Variants in EAF2 observed in about 807,000 individuals in gnomAD.
EAF2 encodes the protein ELL-associated factor 2.
EAF2 carries 29 observed loss-of-function variants against 29.4 expected under a neutral mutation model. The ratio of observed to expected loss-of-function variants is 0.99; its 90% confidence interval spans 0.73 to 1.35. The LOEUF is 1.35. Among genes scored for constraint, EAF2 ranks in the 40% most tolerant of loss-of-function variants. The probability of loss-of-function intolerance (pLI) is 0.00; values close to 1 mark genes in which losing one functional copy is unlikely to be tolerated. For missense variants in EAF2, 292 were observed against 312.0 expected, an observed-to-expected ratio of 0.94 and a Z score of 0.48; for synonymous variants, 103 against 102.5, an observed-to-expected ratio of 1.00 and a Z score of -0.03.
chr3:121,836,165 T>G (rs952757383), intron 1 of EAF2: 1 of 152,196 alleles, frequency 6.6e-6, no homozygotes, highest in African/African-American at 2.4e-5. Context: ...AAGACATTCG[T>G]TTTTTGCATA....
chr3:121,874,765 A>T (rs1422446420), intron 5 of EAF2, among the ~76,000 whole-genome samples: 1 of 151,944 alleles, frequency 6.6e-6, no homozygotes, highest in Non-Finnish European at 1.5e-5. Context: ...AATAGGAACA[A>T]TGGATAAAGT....
intron 5 of EAF2, among the ~76,000 whole-genome samples, chr3:121,880,455 G>GGGGTGT (rs1033336939): frequency 6.3e-5 from 9 of 142,962 alleles, no homozygotes; most frequent in African/African-American, 2.1e-4. Flanking sequence ...AGTGTTTTGG[G>GGGGTGT]GTGTGTGTGT....
intron 4 of EAF2, among the ~76,000 whole-genome samples, chr3:121,863,020 G>T (rs755767903): frequency 2.6e-5 from 4 of 152,184 alleles, no homozygotes; most frequent in African/African-American, 4.8e-5. Context: ...AAATATTGCA[G>T]AAGGGCAAAT....
chr3:121,880,953 C>T (rs796602283), intron 5 of EAF2, among the ~76,000 whole-genome samples: 7 of 152,162 alleles, frequency 4.6e-5, no homozygotes, highest in Non-Finnish European at 8.8e-5. Context: ...TGAATTTTAT[C>T]GAATGCTTTT....
chr3:121,854,830 G>A lies in EAF2; in HGVS notation c.338+7G>A, dbSNP rs1416673462. 1 of 1,544,490 alleles carries A rather than the reference G, an allele frequency of 6.5e-7. No homozygotes were observed. The highest frequency in any genetic ancestry group is 8.6e-7 in the Non-Finnish European group (1 of 1,157,912). On this transcript the variant is annotated splice_region_variant and intron_variant, in intron 3 of 5. Coordinates refer to ENST00000273668, the MANE Select transcript of EAF2 (RefSeq NM_018456.6). Reference sequence around the variant, plus strand: ...TCACTGTAAAAAAAACAAGGTATGTGGTTTAATGAAATAAATTATATTATA... The same window carrying A: ...TCACTGTAAAAAAAACAAGGTATGTAGTTTAATGAAATAAATTATATTATA...
intron 5 of EAF2, among the ~76,000 whole-genome samples, chr3:121,877,663 G>A (rs1248189143): frequency 6.6e-6 from 1 of 151,366 alleles, no homozygotes; most frequent in Non-Finnish European, 1.5e-5. Context: ...TTAAAAAATT[G>A]AATACTGTTA....
At chr3:121,879,339 T>A (rs1709153392) in intron 5 of EAF2, among the ~76,000 whole-genome samples, 1 of 152,180 alleles carries the variant, frequency 6.6e-6, no homozygotes, top group Non-Finnish European at 1.5e-5. Flanking sequence ...GTAGATTGTC[T>A]CTTTACTCCA....
chr3:121,873,025 A>T (rs1709043963), intron 5 of EAF2: 1 of 733,776 alleles, frequency 1.4e-6, no homozygotes, highest in East Asian at 2.7e-5. Flanking sequence ...AGTTTATATG[A>T]TCCTCTGCTC....
chr3:121,839,738 A>G (rs1708370509), intron 1 of EAF2, among the ~76,000 whole-genome samples: 1 of 152,228 alleles, frequency 6.6e-6, no homozygotes, highest in African/African-American at 2.4e-5. Context: ...TAAGTTTAGA[A>G]GTGATTCAGA....
rs1709287203 is a variant in EAF2, at chr3:121,886,507, A to T, written c.*119A>T. 2.2e-6 allele frequency: 1 copy of T among 455,192 alleles called. No homozygotes were observed. The highest frequency in any genetic ancestry group is 2.1e-5 in the African/African-American group (1 of 48,224). 28.2% of individuals were successfully genotyped at this position (455,192 alleles called of 1,614,324 possible). On this transcript the variant is annotated 3_prime_UTR_variant, in exon 6 of 6. Transcript: ENST00000273668. ...TAACTTTTGATGATAAAAGAAATTA[A>T]ATTTGATTCAGAAATTTCAGTTGAT...
At chr3:121,855,228 A>G (rs1200305210) in intron 3 of EAF2, among the ~76,000 whole-genome samples, 1 of 152,202 alleles carries the variant, frequency 6.6e-6, no homozygotes, top group African/African-American at 2.4e-5. Flanking sequence ...AAACTTCTGC[A>G]TTTTATTCAG....
intron 1 of EAF2, among the ~76,000 whole-genome samples, chr3:121,842,248 G>A (rs1244822651): frequency 1.3e-5 from 2 of 152,108 alleles, no homozygotes; most frequent in African/African-American, 4.8e-5. Context: ...CACCCACATA[G>A]GGCATGACGA....
At chr3:121,840,488 TAAAAAAAAAAAAAA>T (rs1221757062) in intron 1 of EAF2, among the ~76,000 whole-genome samples, 14 of 35,012 alleles carry the variant, frequency 4.0e-4, no homozygotes, top group Admixed American at 1.6e-3. Context: ...AGACTTCGTC[TAAAAAAAAAAAAAA>T]AAAAAAGAAA....
chr3:121,865,758 G>A (rs1172862093), intron 4 of EAF2, among the ~76,000 whole-genome samples: 2 of 152,164 alleles, frequency 1.3e-5, no homozygotes, highest in Non-Finnish European at 1.5e-5. Flanking sequence ...CCAACAAATA[G>A]GATGATACCA....
At chr3:121,862,522 A>G (rs1355279420) in intron 4 of EAF2, among the ~76,000 whole-genome samples, 1 of 152,146 alleles carries the variant, frequency 6.6e-6, no homozygotes, top group Non-Finnish European at 1.5e-5. Context: ...CAGCTCCATC[A>G]GGTCATTTAA....
At chr3:121,852,902 A>G (rs1262915413) in intron 2 of EAF2, among the ~76,000 whole-genome samples, 1 of 152,230 alleles carries the variant, frequency 6.6e-6, no homozygotes, top group Non-Finnish European at 1.5e-5. Flanking sequence ...AAGCAAAAGA[A>G]TGACAAACGT....
intron 4 of EAF2, among the ~76,000 whole-genome samples, chr3:121,857,361 A>C (rs957475804): frequency 6.6e-6 from 1 of 152,030 alleles, no homozygotes; most frequent in Non-Finnish European, 1.5e-5. Context: ...GCATGATGGC[A>C]TGTGCCTGTG....
intron 2 of EAF2, among the ~76,000 whole-genome samples, chr3:121,849,224 G>A (rs1442730680): frequency 6.6e-6 from 1 of 152,096 alleles, no homozygotes; most frequent in African/African-American, 2.4e-5. Context: ...ATAAAATAGA[G>A]CTTTTATTAT....
At chr3:121,884,065 A>G (rs1709235794) in intron 5 of EAF2, among the ~76,000 whole-genome samples, 1 of 152,100 alleles carries the variant, frequency 6.6e-6, no homozygotes, top group Non-Finnish European at 1.5e-5. Context: ...GCATCAGGCA[A>G]GGTGGCTCAT....
Sources: allele counts gnomAD v4.1 joint callset (sites outside exome capture counted in the v4.1 genomes callset), GRCh38; gene constraint gnomAD v4.1.1; transcripts MANE v1.5; gene names NCBI Gene and HGNC (gene_info 2026-07-23, HGNC 2026-07-21).